The following ATRNL1 variants were observed in gnomAD, a reference collection of about 807,000 sequenced individuals.
ATRNL1 encodes attractin like 1, also known as attractin-like protein 1.
A neutral mutation model predicts 182.7 loss-of-function variants in ATRNL1; 95 were observed. The ratio of observed to expected loss-of-function variants is 0.52; its 90% confidence interval spans 0.44 to 0.62. The LOEUF is 0.62. ATRNL1 is among the 20% of genes least tolerant of loss of function. The pLI is 0.00. For synonymous variants in ATRNL1, 576 were observed against 568.3 expected (o/e 1.01, Z -0.19); for missense variants, 1,471 against 1,679.5 (o/e 0.88, Z 2.17).
intron 6 of ATRNL1, among the ~76,000 whole-genome samples, chr10:115,162,328 G>A (rs914610314): frequency 2.0e-5 from 3 of 152,030 alleles, no homozygotes; most frequent in Non-Finnish European, 2.9e-5. Flanking sequence ...CATAACAAAG[G>A]TGAGAACTGA....
At chr10:115,510,913 C>T (rs1439774357) in intron 24 of ATRNL1, among the ~76,000 whole-genome samples, 1 of 151,904 alleles carries the variant, frequency 6.6e-6, no homozygotes, top group African/African-American at 2.4e-5. Flanking sequence ...TTAAAGAGAG[C>T]ACTTTGTCAG....
At chr10:115,559,338 C>G (rs1853523441) in intron 26 of ATRNL1, among the ~76,000 whole-genome samples, 2 of 152,044 alleles carry the variant, frequency 1.3e-5, no homozygotes, top group Non-Finnish European at 2.9e-5. Flanking sequence ...CATCTAGCAC[C>G]CAGATCTTGT....
intron 27 of ATRNL1, among the ~76,000 whole-genome samples, chr10:115,727,690 C>T (rs1555060747): frequency 1.3e-5 from 2 of 152,110 alleles, no homozygotes; most frequent in Non-Finnish European, 2.9e-5. Flanking sequence ...CTCTGTGCAC[C>T]AAGTTAACAA....
intron 25 of ATRNL1, among the ~76,000 whole-genome samples, chr10:115,549,039 G>T (rs1222269574): frequency 2.0e-5 from 3 of 151,836 alleles, no homozygotes; most frequent in African/African-American, 2.4e-5. Flanking sequence ...ATATATAAAG[G>T]TTATTTAATA....
At chr10:115,799,417 G>T (rs1203163191) in intron 27 of ATRNL1, among the ~76,000 whole-genome samples, 2 of 152,178 alleles carry the variant, frequency 1.3e-5, no homozygotes, top group Admixed American at 1.3e-4. Flanking sequence ...TCATGGGGAT[G>T]CTGGACAGGG....
chr10:115,161,491 C>T (rs746002814), intron 6 of ATRNL1, among the ~76,000 whole-genome samples: 1 of 151,794 alleles, frequency 6.6e-6, no homozygotes, highest in Non-Finnish European at 1.5e-5. Flanking sequence ...AAAGTAGAGT[C>T]GAACTTTGAA....
chr10:115,138,004 A>T (rs1564766165), intron 5 of ATRNL1, among the ~76,000 whole-genome samples: 1 of 152,214 alleles, frequency 6.6e-6, no homozygotes, highest in Non-Finnish European at 1.5e-5. Flanking sequence ...TCCAAATGGG[A>T]GAAATTGGCA....
chr10:115,495,114 T>C (rs2133607419), intron 24 of ATRNL1, among the ~76,000 whole-genome samples: 1 of 152,310 alleles, frequency 6.6e-6, no homozygotes, highest in South Asian at 2.1e-4. Context: ...CTAGTTTGTG[T>C]ATATAGAGGT....
intron 21 of ATRNL1, among the ~76,000 whole-genome samples, chr10:115,432,254 C>A (rs1343207875): frequency 6.6e-6 from 1 of 152,012 alleles, no homozygotes; most frequent in African/African-American, 2.4e-5. Context: ...ATACTTACAT[C>A]ACATTTTAAT....
chr10:115,416,213 T>C (rs1187309619), intron 20 of ATRNL1, among the ~76,000 whole-genome samples: 1 of 152,086 alleles, frequency 6.6e-6, no homozygotes, highest in African/African-American at 2.4e-5. Flanking sequence ...CATCTACTTT[T>C]GTCTTTTTCA....
chr10:115,616,434 T>C (rs1220555766), intron 26 of ATRNL1, among the ~76,000 whole-genome samples: 1 of 152,106 alleles, frequency 6.6e-6, no homozygotes, highest in Non-Finnish European at 1.5e-5. Flanking sequence ...GAAAAACCAA[T>C]TTTTGGGCAG....
At position 115,727,324 on chromosome 10, in the gene ATRNL1, A is replaced by T; in HGVS notation, c.3872A>T (p.Glu1291Val). 1 of 1,614,096 alleles carries T rather than the reference A, an allele frequency of 6.2e-7. No homozygotes were observed. The highest frequency in any genetic ancestry group is 1.1e-5 in the South Asian group (1 of 91,072). ...GATGTAGCTCTGGAAGTGGGAGCTG[A>T]ACAAACAGAGTTTCTGCGAGGGCCA... is the stretch of plus-strand genomic sequence containing the variant. Reference protein sequence around the residue: ...SVDVALEVGAEQTEFLRGPLE... With the variant: ...SVDVALEVGAVQTEFLRGPLE... Residue 1291 changes from glutamate (E) to valine (V), a missense_variant, in exon 27 of 29, where the codon GAA becomes GTA. Around this residue, in one of 3 missense-constraint regions of ATRNL1, gnomAD observed 437 missense variants for 506.0 expected, o/e 0.86. Transcript: ENST00000355044.
chr10:115,568,107 A>C (rs1854171805), intron 26 of ATRNL1, among the ~76,000 whole-genome samples: 1 of 152,094 alleles, frequency 6.6e-6, no homozygotes. Flanking sequence ...ACAGTGGAAT[A>C]ACGTTTTATG....
At chr10:115,277,374 A>T (rs1852151922) in intron 13 of ATRNL1, among the ~76,000 whole-genome samples, 1 of 152,096 alleles carries the variant, frequency 6.6e-6, no homozygotes, top group South Asian at 2.1e-4. Flanking sequence ...AATGGAGGTG[A>T]TGGCAATGTA....
At chr10:115,789,949 AG>A (rs1949488018) in intron 27 of ATRNL1, among the ~76,000 whole-genome samples, 1 of 152,238 alleles carries the variant, frequency 6.6e-6, no homozygotes, top group Admixed American at 6.5e-5. Flanking sequence ...AGGATAGTGA[AG>A]AAGAAGATTA....
chr10:115,467,427 G>A (rs1009637473), intron 23 of ATRNL1, among the ~76,000 whole-genome samples, 175 bp downstream of exon 23: 1 of 150,776 alleles, frequency 6.6e-6, no homozygotes, highest in South Asian at 2.1e-4. Flanking sequence ...TCATTATTTT[G>A]TTAACTTTCT....
intron 8 of ATRNL1, among the ~76,000 whole-genome samples, chr10:115,179,388 A>G (rs974379382): frequency 5.9e-5 from 9 of 151,992 alleles, no homozygotes; most frequent in Admixed American, 2.0e-4. Context: ...GCTTTATTGA[A>G]GGCTGAACTG....
intron 21 of ATRNL1, among the ~76,000 whole-genome samples, chr10:115,435,054 G>A (rs957862468): frequency 2.2e-4 from 31 of 141,480 alleles, no homozygotes; most frequent in East Asian, 1.8e-3. Context: ...TTTTTGTGAC[G>A]GAGTCTTGCT....
Position 115,418,773 on chromosome 10 carries a change from G to A in ATRNL1, c.3270-7477G>A, listed in dbSNP as rs192521603. Among the ~76,000 whole-genome samples, 405 of 152,254 alleles carry A rather than the reference G, an allele frequency of 2.7e-3. 1 individual carries two copies. The highest frequency in any genetic ancestry group is 6.8e-3 in the Middle Eastern group (2 of 294). ...TATTTCTCAGCAGAAACCTTTCAGGGCAGGAGGGAATGTGACAATATATTC... is the reference window on the plus strand; with the variant it reads ...TATTTCTCAGCAGAAACCTTTCAGGACAGGAGGGAATGTGACAATATATTC... On this transcript the variant is annotated intron_variant, in intron 20 of 28. Coordinates refer to ENST00000355044, the MANE Select transcript of ATRNL1 (RefSeq NM_207303.4).
Sources: gnomAD v4.1 joint callset for allele counts (sites outside exome capture counted in the v4.1 genomes callset) on GRCh38, gnomAD v4.1.1 for gene constraint, gnomAD v4.1.1 regional missense constraint, MANE v1.5 for transcripts, NCBI Gene and HGNC (gene_info 2026-07-23, HGNC 2026-07-21) for gene names.